Variants in DHX35 observed in about 807,000 individuals in gnomAD.
DHX35 encodes the protein DEAH-box helicase 35, also known as probable ATP-dependent RNA helicase DHX35.
Under a neutral mutation model 99.6 loss-of-function variants are expected in DHX35, and 84 were observed. That is an observed-to-expected ratio of 0.84 (90% CI 0.71 to 1.01). The LOEUF is 1.01. Among genes scored for constraint, DHX35 ranks in the 50% least tolerant of loss-of-function variants. The pLI is 0.00. For synonymous variants in DHX35, 331 were observed against 316.2 expected, an observed-to-expected ratio of 1.05 and a Z score of -0.50; for missense variants, 852 against 888.5, an observed-to-expected ratio of 0.96 and a Z score of 0.52.
chr20:39,027,461 T>A (rs1456953806), intron 18 of DHX35, among the ~76,000 whole-genome samples: 2 of 152,100 alleles, frequency 1.3e-5, no homozygotes, highest in Non-Finnish European at 1.5e-5. Flanking sequence ...GAACAAAAAA[T>A]TCACAAAAGA....
chr20:39,025,448 G>A, intron 18 of DHX35, 89 bp downstream of exon 18: 1 of 1,508,622 alleles, frequency 6.6e-7, no homozygotes. Flanking sequence ...CTGGTGCGAG[G>A]CAGTGTGGCG....
intron 3 of DHX35, among the ~76,000 whole-genome samples, chr20:38,973,223 G>C (rs1346631224): frequency 6.6e-6 from 1 of 152,244 alleles, no homozygotes; most frequent in Non-Finnish European, 1.5e-5. Context: ...TGAGTTCAGA[G>C]TGTGTCTTAA....
intron 8 of DHX35, among the ~76,000 whole-genome samples, chr20:39,001,447 A>T (rs2086518812): frequency 6.6e-6 from 1 of 152,226 alleles, no homozygotes; most frequent in African/African-American, 2.4e-5. Context: ...CTAAAGCTAC[A>T]TGTTAACTCA....
chr20:38,994,869 C>G lies in DHX35; in HGVS notation c.631C>G (p.Leu211Val). 1 of 1,613,918 alleles carries G rather than the reference C, an allele frequency of 6.2e-7. No homozygotes were observed. Among genetic ancestry groups the G allele is most frequent in the South Asian group, 1.1e-5 (1 of 91,062 alleles). ...DLRLIVASAT[L>V]DADKFRDFFN... is the part of the protein sequence containing the mutation. The stretch of plus-strand genomic sequence containing the variant: ...TCGATTGATTGTAGCTTCAGCCACT[C>G]TGGATGCAGACGTAAGAGCCTTGCC... Residue 211 changes from leucine (L) to valine (V), a missense_variant, in exon 8 of 22, where the codon CTG becomes GTG. Coordinates refer to ENST00000252011, the MANE Select transcript of DHX35 (RefSeq NM_021931.4).
chr20:39,006,136 G>T lies in DHX35; in HGVS notation c.1012-10G>T. 1 of 1,604,664 alleles carries T rather than the reference G, an allele frequency of 6.2e-7. No homozygotes were observed. The highest frequency in any genetic ancestry group is 1.1e-5 in the South Asian group (1 of 90,602). On this transcript the variant is annotated splice_polypyrimidine_tract_variant and intron_variant, in intron 11 of 21. Transcript: ENST00000252011. Reference sequence around the variant, plus strand: ...AATGAGTTTTATTCTTCTTTCTGTGGGGAACGTAGGTGATAGTGGCCACCA... The same window carrying T: ...AATGAGTTTTATTCTTCTTTCTGTGTGGAACGTAGGTGATAGTGGCCACCA...
chr20:38,969,991 A>G (rs2085969532), intron 2 of DHX35, among the ~76,000 whole-genome samples: 1 of 152,180 alleles, frequency 6.6e-6, no homozygotes, highest in African/African-American at 2.4e-5. Flanking sequence ...CCTTGGAATG[A>G]CCCGAGTAGG....
rs543180954 is a variant in DHX35 at position 39,005,711 on chromosome 20, A to G, written c.1012-435A>G. On this transcript the variant is annotated intron_variant, in intron 11 of 21. Coordinates refer to ENST00000252011, the MANE Select transcript of DHX35 (RefSeq NM_021931.4). Reference sequence around the variant, plus strand: ...TTTATCCTACATCCCAGCACCTTGAACAGTGCTTGGCAAAGTGCACACCCT... The same window carrying G: ...TTTATCCTACATCCCAGCACCTTGAGCAGTGCTTGGCAAAGTGCACACCCT... Among the ~76,000 whole-genome samples the G allele has an allele frequency of 4.6e-5, 7 of 152,282 alleles. No homozygotes were observed. In the South Asian group the frequency reaches 1.4e-3, roughly 32 times the overall value.
In DHX35 at chr20:38,992,340, T is replaced by C. The variant is rs763372021; in HGVS notation, c.513-16T>C. ...CTTTTTTAGAGGCTCACTGAGAGCTTCTCTTTGATTCTTAGTGTCATCATG... is the reference window on the plus strand; with the variant it reads ...CTTTTTTAGAGGCTCACTGAGAGCTCCTCTTTGATTCTTAGTGTCATCATG... On this transcript the variant is annotated splice_polypyrimidine_tract_variant and intron_variant, in intron 6 of 21. Transcript: ENST00000252011. 3 of 1,613,434 alleles carry C rather than the reference T, an allele frequency of 1.9e-6. No homozygotes were observed. In the South Asian group the frequency reaches 3.3e-5, roughly 18 times the overall value.
chr20:38,998,280 C>T (rs2086462113), intron 8 of DHX35, among the ~76,000 whole-genome samples: 1 of 152,164 alleles, frequency 6.6e-6, no homozygotes, highest in Admixed American at 6.5e-5. Context: ...GTCATAAGTC[C>T]AGCTACTTGA....
At chr20:39,021,441 A>G (rs1185856504) in intron 15 of DHX35, among the ~76,000 whole-genome samples, 2 of 152,210 alleles carry the variant, frequency 1.3e-5, no homozygotes, top group South Asian at 4.1e-4. Flanking sequence ...TCTGGGTTAC[A>G]TATGGGACTT....
chr20:39,036,907 G>A (rs182861623), intron 21 of DHX35, among the ~76,000 whole-genome samples: 4 of 152,152 alleles, frequency 2.6e-5, no homozygotes, highest in Admixed American at 2.0e-4. Context: ...ATCTACAGGG[G>A]TTGCCCATGT....
At chr20:38,991,404 T>C in intron 5 of DHX35, 50 bp from the exon 6 acceptor site, 14 of 1,529,614 alleles carry the variant, frequency 9.2e-6, no homozygotes, top group Non-Finnish European at 1.1e-5. Context: ...ATACCATTAA[T>C]ATGTAGTGTA....
chr20:38,987,529 C>T (rs560953864), intron 4 of DHX35, among the ~76,000 whole-genome samples: 2 of 152,264 alleles, frequency 1.3e-5, no homozygotes, highest in South Asian at 2.1e-4. Context: ...CCACCGCGTC[C>T]GGTCCTATTT....
In DHX35 at chr20:39,030,733, T is replaced by TA. The variant is rs748262237; in HGVS notation, c.1914dup (p.His639ThrfsTer18). On this transcript the variant is annotated frameshift_variant, in exon 20 of 22. Transcript: ENST00000252011. LOFTEE classifies it high-confidence loss of function. The stretch of plus-strand genomic sequence containing the variant: ...ATCCGTGATGACCATGAGCTGCACA[T>TA]ACACCCTGCGTCAGTCCTCTATGCA... 1 of 1,614,174 alleles carries TA rather than the reference T, an allele frequency of 6.2e-7. No individual in the cohort carries two copies. The highest frequency in any genetic ancestry group is 1.1e-5 in the South Asian group (1 of 91,082).
intron 8 of DHX35, among the ~76,000 whole-genome samples, chr20:39,001,310 A>G (rs1302462755): frequency 6.6e-6 from 1 of 152,190 alleles, no homozygotes; most frequent in Non-Finnish European, 1.5e-5. Context: ...CTATCAAATG[A>G]TCATATCTGT....
intron 6 of DHX35, 105 bp from the exon 7 acceptor site, chr20:38,992,251 A>G (rs577370911): frequency 3.4e-6 from 3 of 888,970 alleles, no homozygotes; most frequent in Admixed American, 2.1e-5. Context: ...TTTTGATGCA[A>G]AGTGATTGTA....
At chr20:38,999,321 G>T (rs1353622288) in intron 8 of DHX35, among the ~76,000 whole-genome samples, 1 of 151,816 alleles carries the variant, frequency 6.6e-6, no homozygotes, top group East Asian at 1.9e-4. Context: ...CCTCCTTGTT[G>T]GCTTCCTCTT....
At position 39,028,413 on chromosome 20, in the gene DHX35, T is replaced by G; in HGVS notation, c.1802-5T>G. ...CACCCGCCTCTCTGTTGGCTGCCTATGTAGGTGACCCGGATCTGGTTCTGA... is the reference window on the plus strand; with the variant it reads ...CACCCGCCTCTCTGTTGGCTGCCTAGGTAGGTGACCCGGATCTGGTTCTGA... On this transcript the variant is annotated splice_region_variant and splice_polypyrimidine_tract_variant and intron_variant, in intron 18 of 21. Coordinates refer to ENST00000252011, the MANE Select transcript of DHX35 (RefSeq NM_021931.4). 1 of 1,614,216 alleles carries G rather than the reference T, an allele frequency of 6.2e-7. No homozygotes were observed. Among genetic ancestry groups the G allele is most frequent in the Non-Finnish European group, 8.5e-7 (1 of 1,180,032 alleles).
intron 6 of DHX35, 100 bp downstream of exon 6, chr20:38,991,615 G>C (rs2086338994): frequency 1.9e-6 from 2 of 1,028,412 alleles, no homozygotes; most frequent in Non-Finnish European, 2.9e-6. Flanking sequence ...TCTGTGTTCA[G>C]CTGCCCCAAA....
Sources: gnomAD v4.1 joint callset for allele counts (sites outside exome capture counted in the v4.1 genomes callset) on GRCh38, gnomAD v4.1.1 for gene constraint, MANE v1.5 for transcripts, NCBI Gene and HGNC (gene_info 2026-07-23, HGNC 2026-07-21) for gene names.